The following CTNNAL1 variants were observed in gnomAD, a reference collection of about 807,000 sequenced individuals.
The protein encoded by CTNNAL1 is catenin alpha like 1, also known as alpha-catulin.
In CTNNAL1, 69 loss-of-function variants were observed where a neutral mutation model predicts 93.6. The ratio of observed to expected loss-of-function variants is 0.74; its 90% CI spans 0.61 to 0.90. The LOEUF (loss-of-function observed/expected upper bound fraction) is 0.90, where lower values mean the gene tolerates loss of function less well. Ranked by LOEUF, CTNNAL1 falls within the 40% of genes least tolerant of loss-of-function variation. CTNNAL1 has a pLI of 0.00. For synonymous variants in CTNNAL1, 286 were observed against 305.4 expected, an observed-to-expected ratio of 0.94 and a Z score of 0.66; for missense variants, 836 against 862.0, an observed-to-expected ratio of 0.97 and a Z score of 0.38.
At position 108,983,178 on chromosome 9, in the gene CTNNAL1, A is replaced by T; in HGVS notation, c.867T>A (p.Ser289=). 1 of 1,564,388 alleles carries T rather than the reference A, an allele frequency of 6.4e-7. No individual in the cohort carries two copies. Among genetic ancestry groups the T allele is most frequent in the Non-Finnish European group, 8.6e-7 (1 of 1,156,422 alleles). The part of the protein sequence containing the change: ...CKPNGETDIS[S]ISIFTGIKEF... ...CCTTAATTCCAGTAAAAATACTGAT[A>T]GATGAAATGTCAGTCTCTCCATTCG... Residue 289 remains serine (S), a synonymous_variant, in exon 6 of 19, where the codon TCT becomes TCA. Coordinates refer to ENST00000325551, the MANE Select transcript of CTNNAL1 (RefSeq NM_003798.4).
chr9:109,008,876 C>CTTTT (rs1162375548), intron 1 of CTNNAL1, among the ~76,000 whole-genome samples: 25 of 54,896 alleles, frequency 4.6e-4, no homozygotes, highest in Non-Finnish European at 6.5e-4. Flanking sequence ...AACAGAGGTT[C>CTTTT]TTTTTTTTTT....
At chr9:108,970,701 T>C (rs796701238) in intron 9 of CTNNAL1, among the ~76,000 whole-genome samples, 1 of 152,192 alleles carries the variant, frequency 6.6e-6, no homozygotes, top group Admixed American at 6.5e-5. Context: ...AATAAAGGTA[T>C]AACATTGTTT....
rs752451731 is a variant in CTNNAL1, at chr9:108,948,189, T to C, written c.1881A>G (p.Leu627=). Residue 627 remains leucine (L), a synonymous_variant, in exon 15 of 19, where the codon CTA becomes CTG. Transcript: ENST00000325551. The part of the protein sequence containing the change: ...LKTSQDLIHQ[L]EVFAAEGLKL... ...ATAAAACGGAAACAAGGCATACCTC[T>C]AGTTGATGAATTAAATCCTGGGAAG... is the stretch of plus-strand genomic sequence containing the variant. 11 of 1,612,094 alleles carry C rather than the reference T, an allele frequency of 6.8e-6. No individual in the cohort carries two copies. The highest frequency in any genetic ancestry group is 1.7e-5 in the Admixed American group (1 of 59,508).
At chr9:108,957,855 T>G (rs1390421108) in intron 11 of CTNNAL1, among the ~76,000 whole-genome samples, 4 of 152,084 alleles carry the variant, frequency 2.6e-5, no homozygotes, top group African/African-American at 9.7e-5. Flanking sequence ...TGGTGGCTCA[T>G]GCCTGTAATC....
chr9:108,972,863 G>GGGGGCCCCCC, intron 8 of CTNNAL1, 30 bp from the exon 9 acceptor site: 1 of 231,688 alleles, frequency 4.3e-6, no homozygotes, highest in Non-Finnish European at 7.1e-6. Flanking sequence ...TGGGGGGGTG[G>GGGGGCCCCCC]GAGGGTGGAG....
rs7021366 is a variant in CTNNAL1 at position 108,965,390 on chromosome 9, C to G, written c.1579G>C (p.Glu527Gln). ...TLLREINDVF[E>Q]GRRGEKYGYL... ...GACAGTTTCTCACCTCGTCTTCCTT[C>G]AAACACGTCATTGATTTCTCTCAGC... The change falls in exon 11 of 19, where the codon GAA becomes CAA. Residue 527 changes from glutamate to glutamine, a missense_variant. Glu to Gln is a conservative substitution (Grantham distance 29). Coordinates refer to ENST00000325551, the MANE Select transcript of CTNNAL1 (RefSeq NM_003798.4). 399,730 of 1,474,872 alleles carry G rather than the reference C, an allele frequency of 0.27. 57,072 individuals carry two copies. Among genetic ancestry groups the G allele is most frequent in the East Asian group, 0.29 (11,394 of 38,638 alleles). The allele number at this position is 1,474,872 out of a possible 1,614,324, so 91.4% of individuals were successfully genotyped here.
At position 108,992,949 on chromosome 9, in the gene CTNNAL1, C is replaced by T. The variant is rs189621505; in HGVS notation, c.332-130G>A. The T allele has an allele frequency of 3.1e-5, 31 of 992,796 alleles. No individual in the cohort carries two copies. The African/African-American group carries it at 3.5e-4, about 11-fold the overall frequency. The allele number at this position is 992,796 out of a possible 1,614,324, so 61.5% of individuals were successfully genotyped here. Reference sequence around the variant, plus strand: ...GGAGTCTTACTTCAGGAACAAGAAACGGTTTCACCTTGACGATTGTAGGGA... The same window carrying T: ...GGAGTCTTACTTCAGGAACAAGAAATGGTTTCACCTTGACGATTGTAGGGA... On this transcript the variant is annotated intron_variant, in intron 2 of 18. Coordinates refer to ENST00000325551, the MANE Select transcript of CTNNAL1 (RefSeq NM_003798.4).
chr9:108,976,425 G>C (rs2132139510), intron 8 of CTNNAL1, among the ~76,000 whole-genome samples: 1 of 152,088 alleles, frequency 6.6e-6, no homozygotes, highest in South Asian at 2.1e-4. Flanking sequence ...TAGGTTATTA[G>C]TTTTTTATTA....
At chr9:108,976,738 C>T (rs1036889840) in intron 8 of CTNNAL1, among the ~76,000 whole-genome samples, 2 of 151,960 alleles carry the variant, frequency 1.3e-5, no homozygotes, top group African/African-American at 2.4e-5. Flanking sequence ...TGCCATGTTG[C>T]CCAGGCTAAT....
At chr9:108,975,869 T>C (rs1831253090) in intron 8 of CTNNAL1, among the ~76,000 whole-genome samples, 2 of 152,200 alleles carry the variant, frequency 1.3e-5, no homozygotes, top group Non-Finnish European at 2.9e-5. Context: ...TTGTAGTTTG[T>C]GAACACCTGA....
Position 108,984,327 on chromosome 9 carries a change from TAA to T in CTNNAL1, c.729+18_729+19del. On this transcript the variant is annotated intron_variant, in intron 5 of 18. Transcript: ENST00000325551. ...TTCTAATTATTAATTTATTACACAG[TAA>T]AACCAAAATTGTCTTACCTTTGAAG... 1 of 1,469,310 alleles carries T rather than the reference TAA, an allele frequency of 6.8e-7. No homozygotes were observed. The highest frequency in any genetic ancestry group is 9.5e-7 in the Non-Finnish European group (1 of 1,053,438). 91.0% of individuals were successfully genotyped at this position (1,469,310 alleles called of 1,614,324 possible).
chr9:108,983,257 T>G lies in CTNNAL1; in HGVS notation c.788A>C (p.Asp263Ala). The change falls in exon 6 of 19, where the codon GAC (aspartate) becomes GCC (alanine). Residue 263 changes from aspartate (D) to alanine (A), a missense_variant. Transcript: ENST00000325551. ...SAHKNKEGVF[D>A]RMKVALDKVI... The stretch of plus-strand genomic sequence containing the variant: ...CTTATCCAATGCCACTTTCATACGG[T>G]CAAATACTCCTTCTTTGTTTTTATG... 6.3e-7 allele frequency: 1 copy of G among 1,595,536 alleles called. No individual in the cohort carries two copies. Among genetic ancestry groups the G allele is most frequent in the Non-Finnish European group, 8.5e-7 (1 of 1,170,680 alleles).
At chr9:108,956,230 A>G (rs1320682834) in intron 11 of CTNNAL1, among the ~76,000 whole-genome samples, 2 of 152,242 alleles carry the variant, frequency 1.3e-5, no homozygotes, top group Non-Finnish European at 2.9e-5. Context: ...ACCAGACCAA[A>G]TAATTTACAA....
intron 1 of CTNNAL1, among the ~76,000 whole-genome samples, chr9:109,005,774 T>C (rs1827006434): frequency 6.6e-6 from 1 of 152,202 alleles, no homozygotes; most frequent in African/African-American, 2.4e-5. Flanking sequence ...AAATTTCAAT[T>C]ACAAAGAAAA....
Position 108,992,811 on chromosome 9 carries a change from T to A in CTNNAL1, c.340A>T (p.Ile114Phe). Residue 114 changes from isoleucine (I) to phenylalanine (F), a missense_variant, in exon 3 of 19, where the codon ATT (isoleucine) becomes TTT (phenylalanine). Physicochemically the swap from Ile to Phe is conservative, Grantham distance 21. Coordinates refer to ENST00000325551, the MANE Select transcript of CTNNAL1 (RefSeq NM_003798.4). ...TTGGTTATGTCTGTAAGTGCTGCAATTGTTTCTCCTAACAAGAAAGACGAG... is the reference window on the plus strand; with the variant it reads ...TTGGTTATGTCTGTAAGTGCTGCAAATGTTTCTCCTAACAAGAAAGACGAG... Reference protein sequence around the residue: ...CIEAKQAGETIAALTDITNLN... With the variant: ...CIEAKQAGETFAALTDITNLN... The A allele has an allele frequency of 6.2e-7, 1 of 1,605,404 alleles. No homozygotes were observed. The highest frequency in any genetic ancestry group is 8.5e-7 in the Non-Finnish European group (1 of 1,176,990).
At chr9:108,954,540 A>G (rs2132099217) in intron 12 of CTNNAL1, among the ~76,000 whole-genome samples, 1 of 152,332 alleles carries the variant, frequency 6.6e-6, no homozygotes, top group African/African-American at 2.4e-5. Context: ...ACCCAGTAGG[A>G]TATTAGCTAT....
intron 1 of CTNNAL1, among the ~76,000 whole-genome samples, chr9:109,012,736 G>C (rs1827243373): frequency 1.3e-5 from 2 of 152,352 alleles, no homozygotes; most frequent in African/African-American, 4.8e-5. Context: ...GAAGGGGTAG[G>C]GTGGCCGGGA....
chr9:108,961,608 C>T (rs2132112447), intron 11 of CTNNAL1, among the ~76,000 whole-genome samples: 1 of 152,046 alleles, frequency 6.6e-6, no homozygotes, highest in East Asian at 1.9e-4. Flanking sequence ...GTTAACTGAA[C>T]CTAAAGAAGA....
At chr9:109,010,756 G>A in intron 1 of CTNNAL1, among the ~76,000 whole-genome samples, 1 of 152,190 alleles carries the variant, frequency 6.6e-6, no homozygotes, top group East Asian at 1.9e-4. Flanking sequence ...CACTTGGAGA[G>A]TCAGAAGAAG....
Sources: gnomAD v4.1 joint callset for allele counts (sites outside exome capture counted in the v4.1 genomes callset) on GRCh38, gnomAD v4.1.1 for gene constraint, MANE v1.5 for transcripts, NCBI Gene and HGNC (gene_info 2026-07-23, HGNC 2026-07-21) for gene names.